DISP3: variants seen among roughly 807,000 people sequenced by gnomAD.
The protein encoded by DISP3 is protein dispatched homolog 3.
A neutral mutation model predicts 135.3 loss-of-function variants in DISP3; 101 were observed. The ratio of observed to expected loss-of-function variants is 0.75; its 90% CI spans 0.64 to 0.88. The LOEUF (loss-of-function observed/expected upper bound fraction) is 0.88. Among genes scored for constraint, DISP3 ranks in the 40% least tolerant of loss-of-function variants. The pLI, the probability that DISP3 is intolerant of heterozygous loss-of-function variation, is 0.00. For missense variants in DISP3, 1,713 were observed against 1,878.6 expected, an observed-to-expected ratio of 0.91 and a Z score of 1.63; for synonymous variants, 856 against 817.0, an observed-to-expected ratio of 1.05 and a Z score of -0.81.
At position 11,523,962 on chromosome 1, in the gene DISP3, C is replaced by T. The variant is rs1353840349; in HGVS notation, c.2383C>T (p.His795Tyr). 1.2e-6 allele frequency: 2 copies of T among 1,612,976 alleles called. No homozygotes were observed. The highest frequency in any genetic ancestry group is 1.3e-5 in the African/African-American group (1 of 74,878). ...TCSGLFQEKP[H>Y]SLQNNIRTSL... ...GGCAGGTCTGTTCCAGGAGAAGCCC[C>T]ACAGCCTGCAGAACAACATCCGGAC... Residue 795 changes from histidine (H) to tyrosine (Y), a missense_variant, in exon 11 of 21, where the codon CAC (histidine) becomes TAC (tyrosine). By Grantham distance (83) the His-to-Tyr change is moderately conservative. Around this residue, in one of 2 missense-constraint regions of DISP3, gnomAD observed 1,142 missense variants for 1,384.6 expected, o/e 0.82. Transcript: ENST00000294484.
At chr1:11,508,785 GA>G (rs1294848732) in intron 3 of DISP3, among the ~76,000 whole-genome samples, 2 of 152,090 alleles carry the variant, frequency 1.3e-5, no homozygotes, top group African/African-American at 4.8e-5. Flanking sequence ...TTGAGTTATA[GA>G]CAATCCAATT....
chr1:11,529,687 G>A lies in DISP3; in HGVS notation c.2929+1G>A. ...TTCTTCTTCGTGCCTAGTGAGAAAGGTACGGCAAGGGCACACAGGTGGGGA... is the reference window on the plus strand; with the variant it reads ...TTCTTCTTCGTGCCTAGTGAGAAAGATACGGCAAGGGCACACAGGTGGGGA... On this transcript the variant is annotated splice_donor_variant, in intron 14 of 20. Coordinates refer to ENST00000294484, the MANE Select transcript of DISP3 (RefSeq NM_020780.2). LOFTEE classifies it high-confidence loss of function. The surrounding 1 kb of genome is among the most constrained non-coding windows in gnomAD (Gnocchi z 4.7). The A allele has an allele frequency of 6.2e-7, 1 of 1,604,228 alleles. No homozygotes were observed.
intron 3 of DISP3, 72 bp downstream of exon 3, chr1:11,502,969 C>G: frequency 7.8e-7 from 1 of 1,286,846 alleles, no homozygotes; most frequent in Non-Finnish European, 1.1e-6. Flanking sequence ...CTCTTAAACC[C>G]CATATCCCTT....
rs373970530 is a variant in DISP3, at chr1:11,531,211, G to C, written c.3229+178G>C. Reference sequence around the variant, plus strand: ...CAGGGTGGGGTGTGTGCCGGCAGTCGAGGGTTTTTGGATGTGAGCAGGCTT... The same window carrying C: ...CAGGGTGGGGTGTGTGCCGGCAGTCCAGGGTTTTTGGATGTGAGCAGGCTT... On this transcript the variant is annotated intron_variant, in intron 16 of 20. Coordinates refer to ENST00000294484, the MANE Select transcript of DISP3 (RefSeq NM_020780.2). The surrounding 1 kb of genome is among the most constrained non-coding windows in gnomAD (Gnocchi z 5.2). Among the ~76,000 whole-genome samples, 1 of 152,176 alleles carries C rather than the reference G, an allele frequency of 6.6e-6. No homozygotes were observed. Among genetic ancestry groups the C allele is most frequent in the South Asian group, 2.1e-4 (1 of 4,832 alleles).
In DISP3 at chr1:11,501,728, C is replaced by G. The variant is rs754660667; in HGVS notation, c.736C>G (p.Gln246Glu). The stretch of plus-strand genomic sequence containing the variant: ...GCCCCACGCGGCAGTCGCGGCCAAT[C>G]AGAGCCGTGCCCGCCGAGGCGCCTC... ...IPPHAAVAAN[Q>E]SRARRGASRW... The change falls in exon 2 of 21, where the codon CAG becomes GAG. Residue 246 changes from glutamine (Q) to glutamate (E), a missense_variant. Gln to Glu is a conservative substitution (Grantham distance 29). Around this residue, in one of 2 missense-constraint regions of DISP3, gnomAD observed 571 missense variants for 494.1 expected, o/e 1.16. Coordinates refer to ENST00000294484, the MANE Select transcript of DISP3 (RefSeq NM_020780.2). The surrounding 1 kb of genome is among the most constrained non-coding windows in gnomAD (Gnocchi z 4.9). 1.3e-6 allele frequency: 2 copies of G among 1,594,328 alleles called. No individual in the cohort carries two copies. The highest frequency in any genetic ancestry group is 1.7e-6 in the Non-Finnish European group (2 of 1,169,662).
chr1:11,496,187 T>C (rs12129279), intron 1 of DISP3, among the ~76,000 whole-genome samples: 25,238 of 151,696 alleles, frequency 0.17, 3,563 homozygotes, highest in African/African-American at 0.39. Flanking sequence ...GGCTTGAAAG[T>C]GGGTGAAGTC....
chr1:11,523,255 A>T (rs1450358573), intron 10 of DISP3, among the ~76,000 whole-genome samples: 1 of 152,206 alleles, frequency 6.6e-6, no homozygotes, highest in Non-Finnish European at 1.5e-5. Context: ...AACCCAAAGG[A>T]AGGGCTAACA....
intron 6 of DISP3, 23 bp from the exon 7 acceptor site, chr1:11,517,440 C>CCT: frequency 6.2e-7 from 1 of 1,612,802 alleles, no homozygotes; most frequent in East Asian, 2.2e-5. Context: ...GTCCCACATC[C>CCT]CTCTCTTCCT....
At position 11,516,932 on chromosome 1, in the gene DISP3, G is replaced by A. The variant is rs1308223085; in HGVS notation, c.1750-531G>A. 6.6e-6 allele frequency among the ~76,000 whole-genome samples: 1 copy of A among 152,176 alleles called. No homozygotes were observed. The highest frequency in any genetic ancestry group is 1.9e-4 in the East Asian group (1 of 5,196). On this transcript the variant is annotated intron_variant, in intron 6 of 20. Transcript: ENST00000294484. This position sits in a 1 kb window ranked among gnomAD's most constrained non-coding sequence, Gnocchi z 5.1. ...TATCCAGGGACTGAGATGCGAGGAT[G>A]ATTGTGAAAGTGTTTCACAGAGTGT...
At position 11,531,614 on chromosome 1, in the gene DISP3, G is replaced by C; in HGVS notation, c.3279G>C (p.Glu1093Asp). ...FLQMLHPECK[E>D]LPEPNLLPGQ... ...AGATGTTGCACCCTGAGTGCAAGGAGCTGCCCGAGCCCAACCTGCTCCCGG... is the reference window on the plus strand; with the variant it reads ...AGATGTTGCACCCTGAGTGCAAGGACCTGCCCGAGCCCAACCTGCTCCCGG... The change falls in exon 17 of 21, where the codon GAG becomes GAC. Residue 1093 changes from glutamate (E) to aspartate (D), a missense_variant. Around this residue, in one of 2 missense-constraint regions of DISP3, gnomAD observed 1,142 missense variants for 1,384.6 expected, o/e 0.82. Transcript: ENST00000294484. The surrounding 1 kb of genome is among the most constrained non-coding windows in gnomAD (Gnocchi z 5.2). 1 of 1,613,548 alleles carries C rather than the reference G, an allele frequency of 6.2e-7. No individual in the cohort carries two copies. The highest frequency in any genetic ancestry group is 8.5e-7 in the Non-Finnish European group (1 of 1,179,948).
chr1:11,487,748 T>A (rs1238382664), intron 1 of DISP3, among the ~76,000 whole-genome samples: 3 of 152,140 alleles, frequency 2.0e-5, no homozygotes. Context: ...TGCCCCACCC[T>A]CATCCCATTC....
In DISP3 at chr1:11,520,701, A is replaced by C. The variant is rs781194401; in HGVS notation, c.2215A>C (p.Ile739Leu). The C allele has an allele frequency of 6.2e-7, 1 of 1,613,130 alleles. No homozygotes were observed. The highest frequency in any genetic ancestry group is 2.2e-5 in the East Asian group (1 of 44,862). ...RWVIVGLFVS[I>L]LILSLVFASR... ...TTTCCTCACAGGGCTGTTCGTCTCC[A>C]TCCTCATCTTGTCCCTGGTGTTCGC... Residue 739 changes from isoleucine to leucine, a missense_variant, in exon 10 of 21, where the codon ATC (isoleucine) becomes CTC (leucine). Physicochemically the swap from Ile to Leu is conservative, Grantham distance 5 (BLOSUM62 2). Transcript: ENST00000294484. This position sits in a 1 kb window ranked among gnomAD's most constrained non-coding sequence, Gnocchi z 4.8.
chr1:11,495,695 G>A (rs1161426877), intron 1 of DISP3, among the ~76,000 whole-genome samples: 1 of 152,172 alleles, frequency 6.6e-6, no homozygotes, highest in Non-Finnish European at 1.5e-5. Context: ...GCTACTTCCT[G>A]CTCATTGAAC....
At chr1:11,534,864 A>T in intron 18 of DISP3, 147 bp from the exon 19 acceptor site, 1 of 851,474 alleles carries the variant, frequency 1.2e-6, no homozygotes, top group Non-Finnish European at 1.9e-6. Context: ...TTCAACTCCA[A>T]ACAAGGCCGG....
chr1:11,512,257 G>T lies in DISP3; in HGVS notation c.1317-2133G>T, dbSNP rs1027398526. ...GCTTGAATTTCTCCCCAGAAAATGGGTTTTTTTTTTCCATTGCATTGTCAG... is the reference window on the plus strand; with the variant it reads ...GCTTGAATTTCTCCCCAGAAAATGGTTTTTTTTTTTCCATTGCATTGTCAG... On this transcript the variant is annotated intron_variant, in intron 3 of 20. Transcript: ENST00000294484. Among the ~76,000 whole-genome samples, 21 of 149,780 alleles carry T rather than the reference G, an allele frequency of 1.4e-4. No homozygotes were observed. The South Asian group carries it at 1.5e-3, about 11-fold the overall frequency.
intron 1 of DISP3, among the ~76,000 whole-genome samples, chr1:11,489,888 C>G (rs1444269804): frequency 1.3e-5 from 2 of 152,220 alleles, no homozygotes; most frequent in Admixed American, 6.5e-5. Flanking sequence ...ATTTGTTAAT[C>G]ACGTCTCAGA....
In DISP3 at chr1:11,525,356, G is replaced by A. The variant is rs567994791; in HGVS notation, c.2613+44G>A. On this transcript the variant is annotated intron_variant, in intron 12 of 20. Coordinates refer to ENST00000294484, the MANE Select transcript of DISP3 (RefSeq NM_020780.2). ...GAAGTGAGCCGCCACCACTGTGGGT[G>A]GTGGGGGGCTCTCAGGGCCACACTG... 4.2e-5 allele frequency: 67 copies of A among 1,588,150 alleles called. No individual in the cohort carries two copies. In the African/African-American group the frequency reaches 8.2e-4, roughly 19 times the overall value.
At chr1:11,522,739 GCCCAGCCAGGA>G (rs1557615339) in intron 10 of DISP3, among the ~76,000 whole-genome samples, 5 of 22,200 alleles carry the variant, frequency 2.3e-4, no homozygotes, top group African/African-American at 3.6e-4. Flanking sequence ...CCCAGCCAGG[GCCCAGCCAGGA>G]CCCAGCCAGG....
At chr1:11,497,578 C>G (rs998735536) in intron 1 of DISP3, among the ~76,000 whole-genome samples, 3 of 152,084 alleles carry the variant, frequency 2.0e-5, no homozygotes, top group Non-Finnish European at 4.4e-5. Context: ...TTAGTAGAGA[C>G]GGGGTTTCAC....
Sources: allele counts gnomAD v4.1 joint callset (sites outside exome capture counted in the v4.1 genomes callset), GRCh38; gene constraint gnomAD v4.1.1; regional missense constraint gnomAD v4.1.1; non-coding constraint Gnocchi (gnomAD v3.1); transcripts MANE v1.5; gene names NCBI Gene and HGNC (gene_info 2026-07-23, HGNC 2026-07-21).